Variants in RRP15 observed in about 807,000 individuals in gnomAD.
The protein encoded by RRP15 is ribosomal RNA processing 15 homolog.
Under a neutral mutation model 27.1 loss-of-function variants are expected in RRP15, and 18 were observed. That is an observed-to-expected ratio of 0.66 (90% CI 0.46 to 0.98). The LOEUF (loss-of-function observed/expected upper bound fraction) is 0.98, where lower values mean the gene tolerates loss of function less well. RRP15 is among the 50% of genes least tolerant of loss of function. The pLI is 0.00. For synonymous variants in RRP15, 107 were observed against 109.4 expected (o/e 0.98, Z 0.14); for missense variants, 359 against 337.8 (o/e 1.06, Z -0.49).
At chr1:218,324,408 G>T (rs1301077658) in intron 4 of RRP15, among the ~76,000 whole-genome samples, 1 of 152,218 alleles carries the variant, frequency 6.6e-6, no homozygotes, top group East Asian at 1.9e-4. Context: ...GGGCCTGGGA[G>T]TGGGTCCTGC....
intron 4 of RRP15, among the ~76,000 whole-genome samples, chr1:218,314,168 T>C (rs1008981893): frequency 6.6e-6 from 1 of 152,052 alleles, no homozygotes; most frequent in African/African-American, 2.4e-5. Flanking sequence ...CTGAGTGATT[T>C]TTAAAAATAT....
chr1:218,295,553 G>A (rs1655706387), intron 1 of RRP15, among the ~76,000 whole-genome samples: 1 of 152,170 alleles, frequency 6.6e-6, no homozygotes, highest in South Asian at 2.1e-4. Flanking sequence ...CAGGTTAGAA[G>A]GTCCTAGGAG....
chr1:218,285,466 A>G lies in RRP15; in HGVS notation c.139+11A>G. On this transcript the variant is annotated intron_variant, in intron 1 of 4. Transcript: ENST00000366932. ...CTTCTGATAGTGAAGGTAATGTGGT[A>G]GGGCTGAGCTTTGGTGTCTGGGAGG... 2 of 1,613,900 alleles carry G rather than the reference A, an allele frequency of 1.2e-6. No individual in the cohort carries two copies. Among genetic ancestry groups the G allele is most frequent in the East Asian group, 4.5e-5 (2 of 44,864 alleles).
At chr1:218,298,800 T>TA (rs1207741475) in intron 1 of RRP15, among the ~76,000 whole-genome samples, 1 of 152,246 alleles carries the variant, frequency 6.6e-6, no homozygotes, top group African/African-American at 2.4e-5. Context: ...TAGGCTCTTG[T>TA]GGCTAGTGGC....
chr1:218,288,474 C>A (rs1655584834), intron 1 of RRP15, among the ~76,000 whole-genome samples: 1 of 152,142 alleles, frequency 6.6e-6, no homozygotes, highest in African/African-American at 2.4e-5. Context: ...AGAATTCTGA[C>A]AACTCTATGA....
chr1:218,328,401 G>A (rs887547712), intron 4 of RRP15, among the ~76,000 whole-genome samples: 1 of 152,096 alleles, frequency 6.6e-6, no homozygotes, highest in Non-Finnish European at 1.5e-5. Context: ...GGTGGCTCAC[G>A]CCTGTAATCT....
intron 4 of RRP15, among the ~76,000 whole-genome samples, chr1:218,312,878 T>C (rs1461803271): frequency 6.6e-6 from 1 of 152,168 alleles, no homozygotes; most frequent in Non-Finnish European, 1.5e-5. Context: ...TTTTCTTCCA[T>C]GGAAGTTGGA....
intron 1 of RRP15, among the ~76,000 whole-genome samples, chr1:218,289,132 G>A (rs144104572): frequency 2.9e-3 from 440 of 152,232 alleles, no homozygotes; most frequent in African/African-American, 4.9e-3. Flanking sequence ...TAGTGATGAC[G>A]ATGATGTCTC....
chr1:218,309,332 G>C (rs760821740), intron 4 of RRP15, among the ~76,000 whole-genome samples: 1 of 152,140 alleles, frequency 6.6e-6, no homozygotes, highest in Non-Finnish European at 1.5e-5. Context: ...GCTTGAGTTT[G>C]CATCTGAATA....
chr1:218,328,172 G>T (rs1448229215), intron 4 of RRP15, among the ~76,000 whole-genome samples: 2 of 152,188 alleles, frequency 1.3e-5, no homozygotes, highest in Non-Finnish European at 2.9e-5. Context: ...CCCCTGTAAA[G>T]CTCTTCCTGT....
At chr1:218,311,794 T>G (rs929822777) in intron 4 of RRP15, among the ~76,000 whole-genome samples, 3 of 152,256 alleles carry the variant, frequency 2.0e-5, no homozygotes, top group African/African-American at 7.2e-5. Context: ...TTATTTTTTA[T>G]TGATATGTTG....
At chr1:218,288,392 A>G (rs1655583801) in intron 1 of RRP15, among the ~76,000 whole-genome samples, 1 of 152,224 alleles carries the variant, frequency 6.6e-6, no homozygotes, top group South Asian at 2.1e-4. Context: ...TTGGATAATA[A>G]CAATAGTTAT....
Position 218,337,199 on chromosome 1 carries a change from T to C in RRP15, c.*6108T>C, listed in dbSNP as rs1397622911. 1 of 152,182 alleles carries C rather than the reference T, an allele frequency of 6.6e-6. No homozygotes were observed. Among genetic ancestry groups the C allele is most frequent in the African/African-American group, 2.4e-5 (1 of 41,444 alleles). 9.4% of individuals were successfully genotyped at this position (152,182 alleles called of 1,614,324 possible). On this transcript the variant is annotated 3_prime_UTR_variant, in exon 5 of 5. Transcript: ENST00000366932. ...TGTTCTCTCTTATGCATTTGGAGGATTAGGTGCTGCACCTATAGGTTTCCA... is the reference window on the plus strand; with the variant it reads ...TGTTCTCTCTTATGCATTTGGAGGACTAGGTGCTGCACCTATAGGTTTCCA...
chr1:218,306,683 C>A (rs1655905066), intron 3 of RRP15, among the ~76,000 whole-genome samples: 1 of 152,102 alleles, frequency 6.6e-6, no homozygotes, highest in African/African-American at 2.4e-5. Flanking sequence ...GAGCTACATT[C>A]ATTTGTAATT....
rs1403773562 is a variant in RRP15, at chr1:218,333,499, T to TTTTG, written c.*2420_*2423dup. Reference sequence around the variant, plus strand: ...CATCTTTCTACATTGTCTTTGTGGTTTTTGTTTGTTTGTTTTTGAGACGGT... The same window carrying TTTTG: ...CATCTTTCTACATTGTCTTTGTGGTTTTTGTTTGTTTGTTTGTTTTTGAGACGGT... On this transcript the variant is annotated 3_prime_UTR_variant, in exon 5 of 5. Coordinates refer to ENST00000366932, the MANE Select transcript of RRP15 (RefSeq NM_016052.4). 1 of 152,140 alleles carries TTTTG rather than the reference T, an allele frequency of 6.6e-6. No homozygotes were observed. Among genetic ancestry groups the TTTTG allele is most frequent in the Non-Finnish European group, 1.5e-5 (1 of 68,032 alleles). 9.4% of individuals were successfully genotyped at this position (152,140 alleles called of 1,614,324 possible). A position where few individuals can be genotyped will look rare whatever the true frequency, so the allele number is the denominator to read the frequency against.
At chr1:218,311,991 T>C (rs1571802435) in intron 4 of RRP15, among the ~76,000 whole-genome samples, 1 of 152,188 alleles carries the variant, frequency 6.6e-6, no homozygotes, top group East Asian at 1.9e-4. Flanking sequence ...CATGGAGGAA[T>C]AGGTGGGAGT....
In RRP15 at chr1:218,307,493, A is replaced by C; in HGVS notation, c.566A>C (p.Lys189Thr). The change falls in exon 4 of 5, where the codon AAG becomes ACG. Residue 189 changes from lysine (K) to threonine (T), a missense_variant. Transcript: ENST00000366932. The stretch of plus-strand genomic sequence containing the variant: ...CAAAAGAATGTTGATGAAAAGGTTA[A>C]GGAAGCTGGAAGTTCTATGAGAAAG... ...KHQKNVDEKV[K>T]EAGSSMRKRA... The C allele has an allele frequency of 6.2e-7, 1 of 1,614,038 alleles. No individual in the cohort carries two copies. The highest frequency in any genetic ancestry group is 8.5e-7 in the Non-Finnish European group (1 of 1,179,946).
intron 4 of RRP15, among the ~76,000 whole-genome samples, chr1:218,310,638 T>A (rs571461681): frequency 2.2e-4 from 34 of 152,344 alleles, no homozygotes; most frequent in South Asian, 8.3e-4. Flanking sequence ...AGAACTTTTT[T>A]AAAAAATAAT....
At chr1:218,325,231 C>T (rs1656254525) in intron 4 of RRP15, among the ~76,000 whole-genome samples, 1 of 152,226 alleles carries the variant, frequency 6.6e-6, no homozygotes, top group Non-Finnish European at 1.5e-5. Flanking sequence ...TGCAGGTTGT[C>T]CTTCATGCGT....
Sources: gnomAD v4.1 joint callset for allele counts (sites outside exome capture counted in the v4.1 genomes callset) on GRCh38, gnomAD v4.1.1 for gene constraint, MANE v1.5 for transcripts, NCBI Gene and HGNC (gene_info 2026-07-23, HGNC 2026-07-21) for gene names.